The following CDK13 variants were observed in gnomAD, a reference collection of about 807,000 sequenced individuals.
The protein encoded by CDK13 is cyclin dependent kinase 13, also known as cyclin-dependent kinase 13.
Under a neutral mutation model 137.6 loss-of-function variants are expected in CDK13, and 40 were observed. The ratio of observed to expected loss-of-function variants is 0.29; its 90% confidence interval spans 0.23 to 0.38. The LOEUF is 0.38. CDK13 is among the 10% of genes least tolerant of loss of function. CDK13 has a pLI of 1.00. For synonymous variants in CDK13, 869 were observed against 760.1 expected (o/e 1.14, Z -2.36); for missense variants, 1,704 against 1,951.8 (o/e 0.87, Z 2.39).
intron 5 of CDK13, among the ~76,000 whole-genome samples, chr7:40,016,236 G>A (rs1015916444): frequency 6.6e-6 from 1 of 152,158 alleles, no homozygotes; most frequent in Non-Finnish European, 1.5e-5. Flanking sequence ...GGACAATGAG[G>A]CTGGGGGATT....
intron 1 of CDK13, chr7:39,985,124 T>TA (rs1784310378): frequency 7.6e-6 from 1 of 131,578 alleles, no homozygotes; most frequent in Non-Finnish European, 1.6e-5. Context: ...ACCATGTCAC[T>TA]ACCCCTCCAG....
At chr7:40,047,384 T>C (rs1785769773) in intron 6 of CDK13, among the ~76,000 whole-genome samples, 5 of 152,168 alleles carry the variant, frequency 3.3e-5, no homozygotes. Context: ...TCTATGCACC[T>C]AGCCCCTCTA....
chr7:40,047,498 A>C (rs552784607), intron 6 of CDK13, among the ~76,000 whole-genome samples: 16 of 152,216 alleles, frequency 1.1e-4, no homozygotes, highest in African/African-American at 3.9e-4. Flanking sequence ...AAAGGATCTC[A>C]TTTTATTTTC....
intron 5 of CDK13, among the ~76,000 whole-genome samples, chr7:40,038,947 A>G (rs909398328): frequency 6.6e-6 from 1 of 152,142 alleles, no homozygotes; most frequent in African/African-American, 2.4e-5. Context: ...TGCCCACCTC[A>G]GCGTCCCAAA....
At chr7:40,015,555 C>T (rs1415482205) in intron 5 of CDK13, among the ~76,000 whole-genome samples, 2 of 152,066 alleles carry the variant, frequency 1.3e-5, no homozygotes, top group Non-Finnish European at 2.9e-5. Context: ...TAGAATATGG[C>T]ACATAGTAAG....
intron 2 of CDK13, among the ~76,000 whole-genome samples, chr7:39,996,971 A>G (rs371292039): frequency 0.27 from 40,324 of 146,724 alleles, 7,468 homozygotes; most frequent in Middle Eastern, 0.46. Context: ...CAAAAAAAAA[A>G]AAAAAGAAAA....
intron 5 of CDK13, among the ~76,000 whole-genome samples, chr7:40,033,101 G>C (rs1785413717): frequency 6.6e-6 from 1 of 152,078 alleles, no homozygotes; most frequent in South Asian, 2.1e-4. Context: ...GATTATATGT[G>C]TGAGCCACCA....
At chr7:39,955,734 A>G (rs1163451121) in intron 1 of CDK13, among the ~76,000 whole-genome samples, 1 of 152,096 alleles carries the variant, frequency 6.6e-6, no homozygotes, top group African/African-American at 2.4e-5. Context: ...TGTTTTTCCT[A>G]CTTTGTCTTT....
At chr7:40,082,486 CAAAAAAAAAAAA>C (rs70996879) in intron 11 of CDK13, among the ~76,000 whole-genome samples, 4 of 74,882 alleles carry the variant, frequency 5.3e-5, no homozygotes, top group South Asian at 1.2e-3. Flanking sequence ...ACTCCATTTC[CAAAAAAAAAAAA>C]AAAAAAAAAA....
At chr7:40,071,992 CT>C (rs1348760777) in intron 9 of CDK13, 2 of 152,182 alleles carry the variant, frequency 1.3e-5, no homozygotes, top group African/African-American at 4.8e-5. Context: ...CATTGCACAT[CT>C]TCTCAAGATA....
At chr7:40,022,838 GT>G (rs949521360) in intron 5 of CDK13, among the ~76,000 whole-genome samples, 1 of 148,930 alleles carries the variant, frequency 6.7e-6, no homozygotes, top group Non-Finnish European at 1.5e-5. Flanking sequence ...TAGGAAGAAA[GT>G]TTTTTTTCTT....
chr7:39,974,112 C>A (rs937326569), intron 1 of CDK13, among the ~76,000 whole-genome samples: 1 of 152,004 alleles, frequency 6.6e-6, no homozygotes, highest in Non-Finnish European at 1.5e-5. Context: ...CCAGTTAGTT[C>A]AAAAAAGCAG....
intron 5 of CDK13, among the ~76,000 whole-genome samples, chr7:40,021,106 T>TACACACACACAAACACACACACACAC (rs778814352): frequency 1.5e-5 from 1 of 65,348 alleles, no homozygotes; most frequent in Non-Finnish European, 2.8e-5. Flanking sequence ...AACAAACGTA[T>TACACACACACAAACACACACACACAC]ATATATATAT....
At chr7:40,027,774 C>T (rs914185586) in intron 5 of CDK13, among the ~76,000 whole-genome samples, 1 of 147,678 alleles carries the variant, frequency 6.8e-6, no homozygotes, top group Admixed American at 6.9e-5. Context: ...TGGAGCCTTA[C>T]AGTTCTCTTA....
At position 40,034,204 on chromosome 7, in the gene CDK13, G is replaced by A. The variant is rs142781755; in HGVS notation, c.2354-11632G>A. On this transcript the variant is annotated intron_variant, in intron 5 of 13. Coordinates refer to ENST00000181839, the MANE Select transcript of CDK13 (RefSeq NM_003718.5). ...CACACTGAACCTCCAGCTTGGTTTA[G>A]GCTTTCCTACCTTGGTAATGGTTCC... 1.9e-3 allele frequency among the ~76,000 whole-genome samples: 288 copies of A among 152,252 alleles called. 1 individual carries two copies. The highest frequency in any genetic ancestry group is 0.01 in the Middle Eastern group (3 of 292).
At chr7:40,047,924 T>G (rs1562748277) in intron 7 of CDK13, 47 bp downstream of exon 7, 2 of 1,167,876 alleles carry the variant, frequency 1.7e-6, no homozygotes, top group East Asian at 2.3e-5. Context: ...AGTTTAGTAT[T>G]AGAAGCTATA....
At chr7:40,042,213 G>T (rs1307327672) in intron 5 of CDK13, among the ~76,000 whole-genome samples, 1 of 151,852 alleles carries the variant, frequency 6.6e-6, no homozygotes, top group Non-Finnish European at 1.5e-5. Context: ...CGAGTAGCTG[G>T]GATTACAGGC....
Position 39,987,720 on chromosome 7 carries a change from C to T in CDK13, c.1333C>T (p.Leu445=), listed in dbSNP as rs1452076884. ...HSSISPSTLT[L]KSSLAAELNK... is the part of the protein sequence containing the mutation. The stretch of plus-strand genomic sequence containing the variant: ...TAGTATTTCTCCTAGCACACTAACT[C>T]TGAAGAGTAGCCTGGCAGCTGAATT... The change falls in exon 2 of 14, where the codon CTG becomes TTG. Residue 445 remains leucine, a synonymous_variant. Transcript: ENST00000181839. The T allele has an allele frequency of 6.2e-7, 1 of 1,614,062 alleles. No homozygotes were observed. The highest frequency in any genetic ancestry group is 8.5e-7 in the Non-Finnish European group (1 of 1,180,022).
At position 40,063,003 on chromosome 7, in the gene CDK13, A is replaced by T; in HGVS notation, c.2703-20A>T. On this transcript the variant is annotated intron_variant, in intron 8 of 13. Transcript: ENST00000181839. ...AATTAAAATAGATCATTTGGTAATG[A>T]CGGGTATTTTTTCCATTAGCTGTAT... is the stretch of plus-strand genomic sequence containing the variant. 1 of 1,610,998 alleles carries T rather than the reference A, an allele frequency of 6.2e-7. No homozygotes were observed. The highest frequency in any genetic ancestry group is 8.5e-7 in the Non-Finnish European group (1 of 1,177,222).
Sources: gnomAD v4.1 joint callset for allele counts (sites outside exome capture counted in the v4.1 genomes callset) on GRCh38, gnomAD v4.1.1 for gene constraint, MANE v1.5 for transcripts, NCBI Gene and HGNC (gene_info 2026-07-23, HGNC 2026-07-21) for gene names.